The following DPY19L3 variants were observed in gnomAD, a reference collection of about 807,000 sequenced individuals.
DPY19L3 encodes the protein dpy-19 like C-mannosyltransferase 3.
A neutral mutation model predicts 92.3 loss-of-function variants in DPY19L3; 51 were observed. The observed-to-expected ratio is 0.55, with a 90% confidence interval of 0.44 to 0.70. DPY19L3 has a LOEUF of 0.70. Among genes scored for constraint, DPY19L3 ranks in the 30% least tolerant of loss-of-function variants. DPY19L3 has a pLI of 0.00. For missense variants in DPY19L3, 706 were observed against 855.9 expected, an observed-to-expected ratio of 0.82 and a Z score of 2.18; for synonymous variants, 309 against 315.2, an observed-to-expected ratio of 0.98 and a Z score of 0.21.
In DPY19L3 at chr19:32,484,947, A is replaced by T. The variant is rs1970761768; in HGVS notation, c.*2707A>T. 2.6e-5 allele frequency: 4 copies of T among 152,154 alleles called. No homozygotes were observed. The highest frequency in any genetic ancestry group is 9.7e-5 in the African/African-American group (4 of 41,414). The allele number at this position is 152,154 out of a possible 1,614,324, so 9.4% of individuals were successfully genotyped here. A position where few individuals can be genotyped will look rare whatever the true frequency, so the allele number is the denominator to read the frequency against. On this transcript the variant is annotated 3_prime_UTR_variant, in exon 19 of 19. Transcript: ENST00000392250. ...TGGGGAAAATATACAAATCAAGAAA[A>T]TTTCTGAGCTTAGATTGCTTCATAG... is the stretch of plus-strand genomic sequence containing the variant.
chr19:32,422,566 A>G (rs1034130457), intron 3 of DPY19L3, among the ~76,000 whole-genome samples: 6 of 151,980 alleles, frequency 3.9e-5, no homozygotes, highest in African/African-American at 1.5e-4. Context: ...TTGAGGACAA[A>G]GAGCAGCAAG....
intron 15 of DPY19L3, chr19:32,467,684 G>A (rs1261450019): frequency 1.0e-6 from 1 of 987,446 alleles, no homozygotes; most frequent in Non-Finnish European, 1.2e-6. Flanking sequence ...TTCTACGTCA[G>A]TGGAGCATAC....
At chr19:32,459,217 G>T (rs933219442) in intron 12 of DPY19L3, among the ~76,000 whole-genome samples, 12 of 152,294 alleles carry the variant, frequency 7.9e-5, no homozygotes, top group African/African-American at 2.6e-4. Context: ...TTAAAAACTT[G>T]TAAGAATATC....
intron 11 of DPY19L3, 30 bp downstream of exon 11, chr19:32,458,203 T>C (rs1475515861): frequency 6.2e-7 from 1 of 1,602,210 alleles, no homozygotes; most frequent in East Asian, 2.2e-5. Context: ...CTATGTTTGC[T>C]ATTTTCTATT....
Position 32,432,802 on chromosome 19 carries a change from G to A in DPY19L3, c.324G>A (p.Val108=). Residue 108 remains valine, a synonymous_variant, in exon 4 of 19, where the codon GTG becomes GTA. Transcript: ENST00000392250. The part of the protein sequence containing the change: ...YKQMLQAPTL[V]QGFHGLIYDN... ...AGATGCTGCAGGCTCCAACCCTCGT[G>A]CAAGGTAATTACAACTGATAGTTTC... 6.2e-7 allele frequency: 1 copy of A among 1,613,526 alleles called. No homozygotes were observed. The highest frequency in any genetic ancestry group is 8.5e-7 in the Non-Finnish European group (1 of 1,179,672).
rs1036657944 is a variant in DPY19L3, at chr19:32,439,926, T to C, written c.855+16T>C. 11 of 1,610,270 alleles carry C rather than the reference T, an allele frequency of 6.8e-6. No individual in the cohort carries two copies. In the African/African-American group the frequency reaches 1.5e-4, roughly 22 times the overall value. On this transcript the variant is annotated intron_variant, in intron 8 of 18. Coordinates refer to ENST00000392250, the MANE Select transcript of DPY19L3 (RefSeq NM_001172774.2). Reference sequence around the variant, plus strand: ...AGCAGTGAAGGTGAGCTTTGCTTTCTTTTCTCACTTGAGATTTTGGCCATT... The same window carrying C: ...AGCAGTGAAGGTGAGCTTTGCTTTCCTTTCTCACTTGAGATTTTGGCCATT...
At chr19:32,465,775 A>C (rs116086276) in intron 15 of DPY19L3, among the ~76,000 whole-genome samples, 1,650 of 152,322 alleles carry the variant, frequency 0.011, 37 homozygotes, top group African/African-American at 0.037. Flanking sequence ...CCTGTCTATC[A>C]AAACATTTAC....
intron 3 of DPY19L3, among the ~76,000 whole-genome samples, chr19:32,424,453 T>G (rs1225519720): frequency 2.0e-5 from 3 of 151,874 alleles, no homozygotes; most frequent in African/African-American, 4.8e-5. Context: ...GGTGAAAACT[T>G]GTCTCTACTA....
intron 4 of DPY19L3, among the ~76,000 whole-genome samples, chr19:32,434,024 A>G (rs1969055332): frequency 1.3e-5 from 2 of 152,196 alleles, no homozygotes; most frequent in Non-Finnish European, 1.5e-5. Flanking sequence ...TTGTTTGGCT[A>G]CCTTGCAGTA....
intron 16 of DPY19L3, 130 bp from the exon 17 acceptor site, chr19:32,477,392 G>T (rs878891666): frequency 3.2e-6 from 4 of 1,250,020 alleles, no homozygotes; most frequent in Non-Finnish European, 4.4e-6. Flanking sequence ...GCAAACTCCC[G>T]TTTTTTTTCC....
At chr19:32,415,957 T>C (rs1450546104) in intron 3 of DPY19L3, among the ~76,000 whole-genome samples, 1 of 152,146 alleles carries the variant, frequency 6.6e-6, no homozygotes, top group Admixed American at 6.5e-5. Context: ...CTACATGATA[T>C]TATAGAAGGA....
At chr19:32,431,269 T>C (rs565633914) in intron 3 of DPY19L3, among the ~76,000 whole-genome samples, 18 of 151,796 alleles carry the variant, frequency 1.2e-4, no homozygotes, top group Admixed American at 2.0e-4. Flanking sequence ...TCCCAGCTAC[T>C]AGGGAGGCTG....
chr19:32,468,732 TCTGGCCAGGAA>T lies in DPY19L3; in HGVS notation c.1617_1627del (p.Trp540AspfsTer3). ...GTTTTGTTTTGTTTTTAATTTCAGT[TCTGGCCAGGAA>T]TGATGGATGAACTCTCCGAGTTGAG... On this transcript the variant is annotated frameshift_variant and splice_region_variant, in exon 16 of 19. Coordinates refer to ENST00000392250, the MANE Select transcript of DPY19L3 (RefSeq NM_001172774.2). LOFTEE classifies it high-confidence loss of function. 1 of 1,613,770 alleles carries T rather than the reference TCTGGCCAGGAA, an allele frequency of 6.2e-7. No homozygotes were observed.
At chr19:32,443,439 A>G (rs1400875111) in intron 8 of DPY19L3, among the ~76,000 whole-genome samples, 1 of 152,162 alleles carries the variant, frequency 6.6e-6, no homozygotes, top group Non-Finnish European at 1.5e-5. Flanking sequence ...GCCTTTTAGA[A>G]GGTGATTAGT....
rs148116444 is a variant in DPY19L3 at position 32,439,142 on chromosome 19, C to A, written c.627C>A (p.Ile209=). The change falls in exon 7 of 19, where the codon ATC becomes ATA. Residue 209 remains isoleucine, a synonymous_variant. Coordinates refer to ENST00000392250, the MANE Select transcript of DPY19L3 (RefSeq NM_001172774.2). ...RIDTTRVEFT[I]PLRENWALPF... is the part of the protein sequence containing the mutation. ...ATACCACAAGAGTTGAGTTTACCAT[C>A]CCACTGAGGGAGAACTGGGCGCTGC... 12 of 1,613,160 alleles carry A rather than the reference C, an allele frequency of 7.4e-6. No homozygotes were observed. In the African/African-American group the frequency reaches 1.5e-4, roughly 20 times the overall value.
intron 17 of DPY19L3, 36 bp from the exon 18 acceptor site, chr19:32,480,363 G>A (rs976024398): frequency 6.3e-7 from 1 of 1,588,432 alleles, no homozygotes; most frequent in Admixed American, 1.7e-5. Context: ...CAGTCAAGTA[G>A]CATTTGCCAC....
At chr19:32,466,098 T>A (rs1970191507) in intron 15 of DPY19L3, among the ~76,000 whole-genome samples, 1 of 152,218 alleles carries the variant, frequency 6.6e-6, no homozygotes, top group Non-Finnish European at 1.5e-5. Context: ...GTAGGTTCAG[T>A]TCTTTTATGT....
chr19:32,477,469 G>T, intron 16 of DPY19L3, 53 bp from the exon 17 acceptor site: 1 of 1,603,814 alleles, frequency 6.2e-7, no homozygotes, highest in Non-Finnish European at 8.5e-7. Flanking sequence ...CTTCTTTGTT[G>T]TCTTTAAGGA....
chr19:32,432,749 T>C lies in DPY19L3; in HGVS notation c.271T>C (p.Cys91Arg). Residue 91 changes from cysteine to arginine, a missense_variant, in exon 4 of 19, where the codon TGT (cysteine) becomes CGT (arginine). Transcript: ENST00000392250. ...VEREISFRTE[C>R]GLYYSYYKQM... ...GCGAGAAATCTCATTCAGAACAGAG[T>C]GTGGCCTGTATTACTCCTACTACAA... 6.2e-7 allele frequency: 1 copy of C among 1,613,842 alleles called. No individual in the cohort carries two copies.
Sources: allele counts gnomAD v4.1 joint callset (sites outside exome capture counted in the v4.1 genomes callset), GRCh38; gene constraint gnomAD v4.1.1; transcripts MANE v1.5; gene names NCBI Gene and HGNC (gene_info 2026-07-23, HGNC 2026-07-21).